The following THSD7A variants were observed in gnomAD, a reference collection of about 807,000 sequenced individuals.
The protein encoded by THSD7A is thrombospondin type-1 domain-containing protein 7A.
THSD7A carries 96 observed loss-of-function variants against 231.3 expected under a neutral mutation model. The ratio of observed to expected loss-of-function variants is 0.41; its 90% CI spans 0.35 to 0.49. The LOEUF (loss-of-function observed/expected upper bound fraction) is 0.49. Ranked by LOEUF, THSD7A falls within the 20% of genes least tolerant of loss-of-function variation. THSD7A has a pLI of 0.05. For synonymous variants in THSD7A, 940 were observed against 743.3 expected, an observed-to-expected ratio of 1.26 and a Z score of -4.30; for missense variants, 2,290 against 2,070.2, an observed-to-expected ratio of 1.11 and a Z score of -2.06.
chr7:11,686,943 C>A (rs1207402575), intron 1 of THSD7A, among the ~76,000 whole-genome samples: 1 of 151,778 alleles, frequency 6.6e-6, no homozygotes, highest in Non-Finnish European at 1.5e-5. Context: ...GGTAACAAAC[C>A]TGCACATGTA....
intron 1 of THSD7A, among the ~76,000 whole-genome samples, chr7:11,647,184 C>T (rs1189302274): frequency 6.6e-6 from 1 of 152,018 alleles, no homozygotes; most frequent in African/African-American, 2.4e-5. Flanking sequence ...TCCAATGAAT[C>T]ACAGACTCTC....
intron 4 of THSD7A, among the ~76,000 whole-genome samples, chr7:11,577,238 C>G (rs755919656): frequency 1.3e-5 from 2 of 152,186 alleles, no homozygotes; most frequent in East Asian, 1.9e-4. Flanking sequence ...GAACTAGAAA[C>G]TTAATTGATC....
At chr7:11,412,631 C>T (rs748522629) in intron 18 of THSD7A, 25 bp downstream of exon 18, 10 of 1,612,910 alleles carry the variant, frequency 6.2e-6, no homozygotes, top group East Asian at 2.2e-5. Flanking sequence ...GACTTAACTC[C>T]GTGATCAGAT....
intron 6 of THSD7A, among the ~76,000 whole-genome samples, chr7:11,512,959 A>ATATATATATATATATG (rs1449312863): frequency 6.3e-5 from 9 of 142,576 alleles, no homozygotes; most frequent in Non-Finnish European, 1.1e-4. Context: ...ATATATATAT[A>ATATATATATATATATG]TGTAAAATAC....
intron 1 of THSD7A, among the ~76,000 whole-genome samples, chr7:11,713,717 T>G (rs7782737): frequency 0.43 from 65,220 of 150,962 alleles, 14,314 homozygotes; most frequent in South Asian, 0.57. Flanking sequence ...GTAGAGCCCA[T>G]TGTGTCTCAG....
At chr7:11,820,638 C>T (rs1174912182) in intron 1 of THSD7A, 3 of 766,752 alleles carry the variant, frequency 3.9e-6, no homozygotes, top group Non-Finnish European at 2.3e-6. Flanking sequence ...TCCTCGAGCG[C>T]TCTGCCACCT....
intron 4 of THSD7A, among the ~76,000 whole-genome samples, chr7:11,549,541 A>G (rs964906819): frequency 1.3e-5 from 2 of 152,190 alleles, no homozygotes; most frequent in Admixed American, 6.5e-5. Context: ...ATGCCCATCA[A>G]TGATAGACTG....
At chr7:11,768,506 G>T (rs888022772) in intron 1 of THSD7A, among the ~76,000 whole-genome samples, 2 of 152,098 alleles carry the variant, frequency 1.3e-5, no homozygotes, top group Non-Finnish European at 2.9e-5. Context: ...CCTCTTTACA[G>T]GTTTTTCACC....
At chr7:11,599,296 GA>G (rs1307372218) in intron 2 of THSD7A, among the ~76,000 whole-genome samples, 1 of 152,172 alleles carries the variant, frequency 6.6e-6, no homozygotes, top group Non-Finnish European at 1.5e-5. Context: ...ACTCCACCAG[GA>G]AAAATACCAC....
chr7:11,756,387 AGAG>A (rs768495893), intron 1 of THSD7A, among the ~76,000 whole-genome samples: 12 of 152,076 alleles, frequency 7.9e-5, no homozygotes, highest in Non-Finnish European at 1.6e-4. Context: ...AGAGTGGAGA[AGAG>A]GAGGAGAGAA....
intron 4 of THSD7A, among the ~76,000 whole-genome samples, chr7:11,565,809 C>T (rs73057862): frequency 6.6e-6 from 1 of 152,274 alleles, no homozygotes; most frequent in Non-Finnish European, 1.5e-5. Context: ...ACAGCAATCA[C>T]CCCAATTCCT....
intron 4 of THSD7A, among the ~76,000 whole-genome samples, chr7:11,551,230 C>G (rs1409317068): frequency 6.6e-6 from 1 of 152,004 alleles, no homozygotes; most frequent in African/African-American, 2.4e-5. Flanking sequence ...AAATCTAATA[C>G]TATAAAACTC....
intron 19 of THSD7A, among the ~76,000 whole-genome samples, chr7:11,409,427 TGTA>T (rs1342947518): frequency 6.6e-6 from 1 of 152,194 alleles, no homozygotes; most frequent in Admixed American, 6.5e-5. Flanking sequence ...ATTCAAATAT[TGTA>T]GTATTTGCAT....
At chr7:11,749,346 T>C (rs1562527154) in intron 1 of THSD7A, among the ~76,000 whole-genome samples, 1 of 151,874 alleles carries the variant, frequency 6.6e-6, no homozygotes, top group Non-Finnish European at 1.5e-5. Context: ...ACCCCCCACA[T>C]ATCTCCCCCT....
intron 11 of THSD7A, among the ~76,000 whole-genome samples, chr7:11,453,715 T>A (rs893775636): frequency 1.3e-5 from 2 of 152,036 alleles, no homozygotes; most frequent in Admixed American, 6.6e-5. Flanking sequence ...GTGATATGTC[T>A]ACCTTGAATC....
intron 23 of THSD7A, among the ~76,000 whole-genome samples, chr7:11,397,955 C>T (rs1293260922): frequency 1.3e-5 from 2 of 152,144 alleles, no homozygotes; most frequent in African/African-American, 4.8e-5. Flanking sequence ...GTTGGTGGGA[C>T]TGTAAATTAG....
intron 16 of THSD7A, among the ~76,000 whole-genome samples, chr7:11,421,585 C>G (rs1207051307): frequency 6.6e-6 from 1 of 152,114 alleles, no homozygotes; most frequent in Admixed American, 6.5e-5. Context: ...GTAATATACT[C>G]ATTTTAAGAA....
At chr7:11,746,972 C>G (rs879270313) in intron 1 of THSD7A, among the ~76,000 whole-genome samples, 5 of 151,840 alleles carry the variant, frequency 3.3e-5, no homozygotes, top group Non-Finnish European at 2.9e-5. Flanking sequence ...ATATCATTCA[C>G]TCACATGTGA....
At chr7:11,779,282 C>T (rs1484722093) in intron 1 of THSD7A, among the ~76,000 whole-genome samples, 1 of 152,086 alleles carries the variant, frequency 6.6e-6, no homozygotes. Flanking sequence ...TTAATATTAT[C>T]TCATCTTTCT....
Sources: allele counts gnomAD v4.1 joint callset (sites outside exome capture counted in the v4.1 genomes callset), GRCh38; gene constraint gnomAD v4.1.1; transcripts MANE v1.5; gene names NCBI Gene and HGNC (gene_info 2026-07-23, HGNC 2026-07-21).